CLSTN2: variants seen among roughly 807,000 people sequenced by gnomAD.
CLSTN2 encodes calsyntenin-2.
In CLSTN2, 48 loss-of-function variants were observed where a neutral mutation model predicts 101.2. That is an observed-to-expected ratio of 0.47 (90% CI 0.38 to 0.60). The LOEUF is 0.60. Ranked by LOEUF, CLSTN2 falls within the 20% of genes least tolerant of loss-of-function variation. The probability of loss-of-function intolerance (pLI) is 0.00; values close to 1 mark genes in which losing one functional copy is unlikely to be tolerated. For missense variants in CLSTN2, 1,160 were observed against 1,238.2 expected (o/e 0.94, Z 0.95); for synonymous variants, 481 against 463.6 (o/e 1.04, Z -0.48).
At chr3:140,039,542 A>T (rs990238739) in intron 1 of CLSTN2, among the ~76,000 whole-genome samples, 15 of 152,212 alleles carry the variant, frequency 9.9e-5, no homozygotes, top group African/African-American at 3.6e-4. Flanking sequence ...ATTTGTAAAT[A>T]AATTAGAGTT....
intron 1 of CLSTN2, among the ~76,000 whole-genome samples, chr3:140,035,168 C>A (rs537329650): frequency 2.0e-5 from 3 of 152,330 alleles, no homozygotes; most frequent in African/African-American, 7.2e-5. Flanking sequence ...TCCTGGCAAG[C>A]CAGATTTCCA....
intron 9 of CLSTN2, among the ~76,000 whole-genome samples, chr3:140,534,655 A>G (rs756118248): frequency 6.6e-5 from 10 of 152,242 alleles, no homozygotes; most frequent in Non-Finnish European, 1.2e-4. Flanking sequence ...AAACATGGCA[A>G]ATCGTGCACA....
At chr3:139,963,442 G>A (rs1414864500) in intron 1 of CLSTN2, among the ~76,000 whole-genome samples, 1 of 152,070 alleles carries the variant, frequency 6.6e-6, no homozygotes, top group Non-Finnish European at 1.5e-5. Context: ...AATATTAAGA[G>A]TGGGAGGTAG....
chr3:140,255,779 G>T (rs1234024068), intron 2 of CLSTN2, among the ~76,000 whole-genome samples: 2 of 152,120 alleles, frequency 1.3e-5, no homozygotes, highest in East Asian at 1.9e-4. Flanking sequence ...GGAAAAAAAA[G>T]AATTTTACTA....
At chr3:140,191,213 CTGAT>C in intron 2 of CLSTN2, among the ~76,000 whole-genome samples, 1 of 152,096 alleles carries the variant, frequency 6.6e-6, no homozygotes, top group African/African-American at 2.4e-5. Context: ...TATAATAACA[CTGAT>C]TGATTTTCAA....
chr3:140,196,401 G>T (rs1252404806), intron 2 of CLSTN2, among the ~76,000 whole-genome samples: 1 of 152,238 alleles, frequency 6.6e-6, no homozygotes, highest in African/African-American at 2.4e-5. Flanking sequence ...GGAAATGGGA[G>T]TGAAGGCAGA....
chr3:140,206,725 C>T (rs2010787718), intron 2 of CLSTN2, among the ~76,000 whole-genome samples: 1 of 152,184 alleles, frequency 6.6e-6, no homozygotes, highest in Non-Finnish European at 1.5e-5. Context: ...CAAAGCTTCC[C>T]ACAAACTCTC....
intron 2 of CLSTN2, among the ~76,000 whole-genome samples, chr3:140,308,842 C>G (rs1192714450): frequency 6.6e-6 from 1 of 152,198 alleles, no homozygotes; most frequent in Non-Finnish European, 1.5e-5. Context: ...TTCCCATCCT[C>G]CCCCATTCTG....
intron 1 of CLSTN2, among the ~76,000 whole-genome samples, chr3:140,017,677 G>A (rs778339566): frequency 4.6e-5 from 7 of 152,230 alleles, no homozygotes; most frequent in Non-Finnish European, 8.8e-5. Context: ...TTGGGGTGGA[G>A]TGACTCCTTT....
chr3:140,035,423 T>C (rs901380245), intron 1 of CLSTN2, among the ~76,000 whole-genome samples: 1 of 152,180 alleles, frequency 6.6e-6, no homozygotes, highest in African/African-American at 2.4e-5. Flanking sequence ...TCCTGTCCCT[T>C]TGCAGCCCAT....
chr3:140,551,827 T>G, intron 10 of CLSTN2, among the ~76,000 whole-genome samples: 1 of 139,154 alleles, frequency 7.2e-6, no homozygotes, highest in South Asian at 2.2e-4. Flanking sequence ...ATATTATATA[T>G]TTAAATATAT....
At chr3:140,415,630 C>T (rs2088424278) in intron 4 of CLSTN2, among the ~76,000 whole-genome samples, 1 of 151,822 alleles carries the variant, frequency 6.6e-6, no homozygotes, top group Non-Finnish European at 1.5e-5. Flanking sequence ...CAGTAAAATG[C>T]AAATCAAACC....
At chr3:140,285,079 G>A (rs1422290261) in intron 2 of CLSTN2, among the ~76,000 whole-genome samples, 1 of 152,136 alleles carries the variant, frequency 6.6e-6, no homozygotes, top group African/African-American at 2.4e-5. Flanking sequence ...CTGTGGGCAA[G>A]TGGAGCTCGG....
intron 1 of CLSTN2, among the ~76,000 whole-genome samples, chr3:140,013,307 C>A (rs936206978): frequency 6.6e-6 from 1 of 152,224 alleles, no homozygotes; most frequent in Non-Finnish European, 1.5e-5. Context: ...AGCTCTGGAG[C>A]CTAGGGCTGG....
chr3:140,267,859 A>G (rs2107887487), intron 2 of CLSTN2, among the ~76,000 whole-genome samples: 1 of 152,290 alleles, frequency 6.6e-6, no homozygotes, highest in Non-Finnish European at 1.5e-5. Context: ...TATAACTGTG[A>G]GCAGAAAAGC....
chr3:140,152,642 T>C (rs183130363), intron 1 of CLSTN2, among the ~76,000 whole-genome samples: 1 of 152,292 alleles, frequency 6.6e-6, no homozygotes, highest in East Asian at 1.9e-4. Context: ...GGTGCTCACG[T>C]TCTATTAGTG....
At chr3:140,178,844 G>A (rs568076276) in intron 2 of CLSTN2, among the ~76,000 whole-genome samples, 2 of 152,290 alleles carry the variant, frequency 1.3e-5, no homozygotes, top group South Asian at 2.1e-4. Flanking sequence ...CTTATCAGCT[G>A]CTTTTGTATT....
Position 140,556,507 on chromosome 3 carries a change from T to G in CLSTN2, c.1675-6T>G. 1 of 1,614,012 alleles carries G rather than the reference T, an allele frequency of 6.2e-7. No individual in the cohort carries two copies. The highest frequency in any genetic ancestry group is 8.5e-7 in the Non-Finnish European group (1 of 1,179,912). ...CTCTTCCATGATGCTCACTTTTGTC[T>G]TCCAGTATCACTTCAACCCCTCGCA... On this transcript the variant is annotated splice_polypyrimidine_tract_variant and splice_region_variant and intron_variant, in intron 10 of 16. Coordinates refer to ENST00000458420, the MANE Select transcript of CLSTN2 (RefSeq NM_022131.3).
chr3:140,111,796 GC>G (rs1387132850), intron 1 of CLSTN2, among the ~76,000 whole-genome samples: 1 of 152,112 alleles, frequency 6.6e-6, no homozygotes, highest in Non-Finnish European at 1.5e-5. Context: ...TTTATAGACT[GC>G]CCCCTCTGCA....
Sources: gnomAD v4.1 joint callset for allele counts (sites outside exome capture counted in the v4.1 genomes callset) on GRCh38, gnomAD v4.1.1 for gene constraint, MANE v1.5 for transcripts, NCBI Gene and HGNC (gene_info 2026-07-23, HGNC 2026-07-21) for gene names.